Variants in SOX6 observed in about 807,000 individuals in gnomAD.
SOX6 encodes SRY-box transcription factor 6.
Under a neutral mutation model 97.8 loss-of-function variants are expected in SOX6, and 11 were observed. That is an observed-to-expected ratio of 0.11 (90% confidence interval 0.07 to 0.19). The LOEUF is 0.19. SOX6 is among the 10% of genes least tolerant of loss of function. The probability of loss-of-function intolerance (pLI) is 1.00; values close to 1 mark genes in which losing one functional copy is unlikely to be tolerated. For synonymous variants in SOX6, 360 were observed against 371.4 expected (o/e 0.97, Z 0.35); for missense variants, 810 against 1,039.5 (o/e 0.78, Z 3.04).
chr11:16,399,908 G>C (rs1165680717), intron 1 of SOX6, among the ~76,000 whole-genome samples: 2 of 151,398 alleles, frequency 1.3e-5, no homozygotes, highest in African/African-American at 4.8e-5. Context: ...TGTTCAAAGG[G>C]AGAAAATGGA....
chr11:16,331,391 G>A (rs769852950), intron 2 of SOX6, among the ~76,000 whole-genome samples: 1 of 152,070 alleles, frequency 6.6e-6, no homozygotes, highest in Non-Finnish European at 1.5e-5. Context: ...CTAAAGAAGA[G>A]AGTCAAGAGA....
intron 3 of SOX6, among the ~76,000 whole-genome samples, chr11:16,644,015 G>A (rs1418797864): frequency 1.3e-5 from 2 of 152,204 alleles, no homozygotes; most frequent in Admixed American, 1.3e-4. Flanking sequence ...GCTGGGAGCT[G>A]TAGACTGGAG....
chr11:16,302,122 G>T (rs1409470462), intron 3 of SOX6, among the ~76,000 whole-genome samples: 2 of 151,952 alleles, frequency 1.3e-5, no homozygotes, highest in African/African-American at 4.8e-5. Flanking sequence ...TACCTGCCTG[G>T]ACCATTAAAA....
chr11:16,095,526 C>A (rs1358991668), intron 9 of SOX6, among the ~76,000 whole-genome samples: 1 of 151,818 alleles, frequency 6.6e-6, no homozygotes, highest in Non-Finnish European at 1.5e-5. Context: ...AACCTTGACT[C>A]AACGAATATT....
intron 4 of SOX6, chr11:16,484,281 C>T (rs1409171476): frequency 2.7e-6 from 3 of 1,115,628 alleles, no homozygotes; most frequent in Non-Finnish European, 4.1e-6. Flanking sequence ...CTGGGAACCA[C>T]ATTGCCCGAC....
At chr11:16,725,919 G>T (rs139365381) in intron 2 of SOX6, among the ~76,000 whole-genome samples, 1 of 152,126 alleles carries the variant, frequency 6.6e-6, no homozygotes, top group Non-Finnish European at 1.5e-5. Flanking sequence ...TTTGAAACAT[G>T]AATGTTAAAT....
chr11:15,989,678 C>G (rs752812925), intron 13 of SOX6, among the ~76,000 whole-genome samples: 58 of 152,290 alleles, frequency 3.8e-4, no homozygotes, highest in Admixed American at 3.5e-3. Context: ...CTAGAAGACA[C>G]TTCTCCTACT....
intron 14 of SOX6, among the ~76,000 whole-genome samples, chr11:15,987,623 T>C (rs1486816633): frequency 6.6e-6 from 1 of 150,402 alleles, no homozygotes; most frequent in Non-Finnish European, 1.5e-5. Context: ...ATATTGCTAC[T>C]AAAAGGGCAG....
At chr11:16,071,746 G>A (rs1004414912) in intron 9 of SOX6, among the ~76,000 whole-genome samples, 16 of 151,956 alleles carry the variant, frequency 1.1e-4, no homozygotes, top group Admixed American at 4.6e-4. Context: ...TCCAACTGTC[G>A]TCCCTGCCTG....
chr11:16,245,348 A>G (rs1853306733), intron 3 of SOX6, among the ~76,000 whole-genome samples: 1 of 151,848 alleles, frequency 6.6e-6, no homozygotes, highest in South Asian at 2.1e-4. Flanking sequence ...ATAGTCCAGC[A>G]TGTGCCTTAT....
At chr11:16,672,133 G>A (rs889532288) in intron 3 of SOX6, among the ~76,000 whole-genome samples, 8 of 152,160 alleles carry the variant, frequency 5.3e-5, no homozygotes, top group Non-Finnish European at 1.2e-4. Context: ...GGCCTTACAA[G>A]AGATCTTGAA....
At chr11:15,988,887 C>T in intron 14 of SOX6, 110 bp downstream of exon 14, 3 of 1,128,480 alleles carry the variant, frequency 2.7e-6, no homozygotes, top group Non-Finnish European at 2.6e-6. Flanking sequence ...CTAACTTGCG[C>T]CCGCCACAAT....
intron 4 of SOX6, among the ~76,000 whole-genome samples, chr11:16,528,973 G>A (rs760007528): frequency 2.6e-4 from 39 of 151,960 alleles, no homozygotes; most frequent in Non-Finnish European, 4.7e-4. Flanking sequence ...GGCATTGAGT[G>A]CTTTTTAAAA....
intron 3 of SOX6, among the ~76,000 whole-genome samples, chr11:16,687,315 AAG>A (rs374119756): frequency 6.6e-6 from 1 of 152,290 alleles, no homozygotes; most frequent in Non-Finnish European, 1.5e-5. Context: ...GAACAGGAGC[AAG>A]AGAGAGAGTG....
chr11:16,409,812 A>C (rs1027696292), intron 1 of SOX6, among the ~76,000 whole-genome samples: 2 of 117,142 alleles, frequency 1.7e-5, no homozygotes, highest in Admixed American at 1.9e-4. Flanking sequence ...AGACAGAAAC[A>C]ATGTCTTTCC....
intron 3 of SOX6, among the ~76,000 whole-genome samples, chr11:16,705,886 A>G (rs1246699322): frequency 6.6e-6 from 1 of 152,218 alleles, no homozygotes; most frequent in Non-Finnish European, 1.5e-5. Flanking sequence ...ACAATAGAAC[A>G]TATCTAATTA....
intron 1 of SOX6, among the ~76,000 whole-genome samples, chr11:16,370,363 G>T (rs1857469368): frequency 6.6e-6 from 1 of 152,008 alleles, no homozygotes; most frequent in Admixed American, 6.6e-5. Context: ...ACTAGACATG[G>T]CTATATCTGG....
chr11:16,502,430 G>A (rs1367404591), intron 4 of SOX6, among the ~76,000 whole-genome samples: 1 of 150,036 alleles, frequency 6.7e-6, no homozygotes, highest in Non-Finnish European at 1.5e-5. Flanking sequence ...CGTGCACGTT[G>A]TTAACATGTA....
chr11:16,626,999 G>T (rs1204367071), intron 3 of SOX6, among the ~76,000 whole-genome samples: 9 of 152,014 alleles, frequency 5.9e-5, no homozygotes, highest in Admixed American at 5.9e-4. Flanking sequence ...AGTAGTCCCA[G>T]TTTCTATTAC....
Sources: allele counts gnomAD v4.1 joint callset (sites outside exome capture counted in the v4.1 genomes callset), GRCh38; gene constraint gnomAD v4.1.1; transcripts MANE v1.5; gene names NCBI Gene and HGNC (gene_info 2026-07-23, HGNC 2026-07-21).